The following ELK1 variants were observed in gnomAD, a reference collection of about 807,000 sequenced individuals.
The protein encoded by ELK1 is ETS transcription factor ELK1.
For synonymous variants in ELK1, 163 were observed against 176.3 expected, an observed-to-expected ratio of 0.92 and a Z score of 0.60; for missense variants, 254 against 381.5, an observed-to-expected ratio of 0.67 and a Z score of 2.78.
intron 2 of ELK1, among the ~76,000 whole-genome samples, chrX:47,645,050 C>T (rs894857152): frequency 4.5e-5 from 5 of 110,100 alleles, no homozygotes; most frequent in African/African-American, 1.3e-4. Flanking sequence ...ATAGCATGCC[C>T]GGGGGAGGTG....
Position 47,636,994 on chromosome X carries a change from C to G in ELK1, c.1188+19G>C. 1 of 1,206,181 alleles carries G rather than the reference C, an allele frequency of 8.3e-7. No individual in the cohort carries two copies. Among genetic ancestry groups the G allele is most frequent in the Non-Finnish European group, 1.1e-6 (1 of 892,576 alleles). ...CTTGGGTCTCTCACCCTGTCCAAAA[C>G]GGGGAAAGAGGATCCTACCTGGAAG... On this transcript the variant is annotated intron_variant, in intron 6 of 6. Transcript: ENST00000376983.
intron 6 of ELK1, 35 bp downstream of exon 6, chrX:47,636,978 C>T: frequency 1.7e-6 from 2 of 1,200,318 alleles, no homozygotes; most frequent in Non-Finnish European, 2.2e-6. Context: ...TCTTGGGTCT[C>T]TCACCCTGTC....
At position 47,650,418 on chromosome X, in the gene ELK1, C is replaced by T. The variant is rs2058058405; in HGVS notation, c.-141+5G>A. The T allele has an allele frequency of 2.9e-6, 1 of 350,162 alleles. No individual in the cohort carries two copies. Among genetic ancestry groups the T allele is most frequent in the Non-Finnish European group, 5.5e-6 (1 of 180,323 alleles). The allele number at this position is 350,162 out of a possible 1,213,427, so 28.9% of individuals were successfully genotyped here. A position where few individuals can be genotyped will look rare whatever the true frequency, so the allele number is the denominator to read the frequency against. ...GGCCCTCCACCCTCCAGGCCCAGAG[C>T]TCACCTGTGTGTAGCGTGGCGGTGG... On this transcript the variant is annotated splice_donor_5th_base_variant and intron_variant, in intron 1 of 6. Transcript: ENST00000376983.
chrX:47,638,758 G>A (rs1184754171), intron 4 of ELK1, 137 bp downstream of exon 4: 33 of 752,884 alleles, frequency 4.4e-5, no homozygotes, highest in Non-Finnish European at 6.3e-5. Flanking sequence ...CCTTCTAAGA[G>A]GATGTCTTCC....
intron 4 of ELK1, among the ~76,000 whole-genome samples, 159 bp from the exon 5 acceptor site, chrX:47,638,341 C>G (rs1471964342): frequency 2.7e-5 from 3 of 112,569 alleles, no homozygotes; most frequent in African/African-American, 9.7e-5. Context: ...AGGACTTCGT[C>G]AAGGAAGTAG....
intron 2 of ELK1, among the ~76,000 whole-genome samples, chrX:47,643,388 A>G (rs2058034195): frequency 8.9e-6 from 1 of 111,999 alleles, no homozygotes; most frequent in African/African-American, 3.2e-5. Context: ...TTAGTTTCTG[A>G]TTTGTTCATA....
At position 47,636,631 on chromosome X, in the gene ELK1, G is replaced by T. The variant is rs1181710899; in HGVS notation, c.*198C>A. The T allele has an allele frequency of 7.5e-6, 3 of 400,293 alleles. No homozygotes were observed. Among genetic ancestry groups the T allele is most frequent in the Non-Finnish European group, 1.3e-5 (3 of 236,665 alleles). 33.0% of individuals were successfully genotyped at this position (400,293 alleles called of 1,213,427 possible). A position where few individuals can be genotyped will look rare whatever the true frequency, so the allele number is the denominator to read the frequency against. Reference sequence around the variant, plus strand: ...CACTGGGGGACTGACAGAAAACAGAGAAGTTGTGGAAGCTGTGTGTTTTCT... The same window carrying T: ...CACTGGGGGACTGACAGAAAACAGATAAGTTGTGGAAGCTGTGTGTTTTCT... On this transcript the variant is annotated 3_prime_UTR_variant, in exon 7 of 7. Transcript: ENST00000376983.
rs765768273 is a variant in ELK1 at position 47,637,975 on chromosome X, C to T, written c.862G>A (p.Ala288Thr). 31 of 1,207,788 alleles carry T rather than the reference C, an allele frequency of 2.6e-5. No homozygotes were observed. In the South Asian group the frequency reaches 5.3e-4, roughly 21 times the overall value. The stretch of plus-strand genomic sequence containing the variant: ...TGCCCTGCGGTGTCCATAACAACCG[C>T]GGGCAGCCGGGCTGGCACGCCCTCC... ...PQEGVPARLPAVVMDTAGQAG... is the reference protein window; with the variant it reads ...PQEGVPARLPTVVMDTAGQAG... The change falls in exon 5 of 7, where the codon GCG becomes ACG. Residue 288 changes from alanine (A) to threonine (T), a missense_variant. Physicochemically the swap from Ala to Thr is moderately conservative, Grantham distance 58. Transcript: ENST00000376983.
Position 47,638,169 on chromosome X carries a change from G to A in ELK1, c.668C>T (p.Pro223Leu), listed in dbSNP as rs1434452310. ...CGATTTCAGGTTTGGGGCCTCGGGCGGGGTCAGGATGACCTGGTAGAGGAG... is the reference window on the plus strand; with the variant it reads ...CGATTTCAGGTTTGGGGCCTCGGGCAGGGTCAGGATGACCTGGTAGAGGAG... The part of the protein sequence containing the change: ...AGLPLQVILT[P>L]PEAPNLKSEE... The change falls in exon 5 of 7, where the codon CCG (proline) becomes CTG (leucine). Residue 223 changes from proline to leucine, a missense_variant. By Grantham distance (98) the Pro-to-Leu change is moderately conservative. Coordinates refer to ENST00000376983, the MANE Select transcript of ELK1 (RefSeq NM_001114123.3). The A allele has an allele frequency of 3.3e-6, 4 of 1,209,005 alleles. No individual in the cohort carries two copies. The East Asian group carries it at 1.2e-4, about 36-fold the overall frequency.
At position 47,637,842 on chromosome X, in the gene ELK1, C is replaced by A. The variant is rs1243372607; in HGVS notation, c.995G>T (p.Gly332Val). The A allele has an allele frequency of 8.4e-7, 1 of 1,196,448 alleles. No homozygotes were observed. The highest frequency in any genetic ancestry group is 1.8e-5 in the African/African-American group (1 of 57,110). Residue 332 changes from glycine (G) to valine (V), a missense_variant, in exon 5 of 7, where the codon GGA (glycine) becomes GTA (valine). Transcript: ENST00000376983. ...PLSPSLLGGP[G>V]PERTPGSGSG... Reference sequence around the variant, plus strand: ...TCCCGATCCTGGGGTCCGTTCGGGTCCCGGCCCACCTAGCAGGCTCGGGCT... The same window carrying A: ...TCCCGATCCTGGGGTCCGTTCGGGTACCGGCCCACCTAGCAGGCTCGGGCT...
intron 2 of ELK1, 88 bp downstream of exon 2, chrX:47,649,833 T>TGGGGGGGGGG (rs375216686): frequency 4.2e-5 from 1 of 24,034 alleles, no homozygotes; most frequent in Non-Finnish European, 7.1e-5. Flanking sequence ...GTGGTGGTGG[T>TGGGGGGGGGG]GGGGGGGGGG....
At chrX:47,648,673 T>C (rs952418525) in intron 2 of ELK1, among the ~76,000 whole-genome samples, 22 of 112,286 alleles carry the variant, frequency 2.0e-4, no homozygotes, top group African/African-American at 7.1e-4. Context: ...ACCAGTGTGG[T>C]TGGAGCACAG....
rs1293831884 is a variant in ELK1 at position 47,650,424 on chromosome X, T to C, written c.-142A>G. 2.8e-6 allele frequency: 1 copy of C among 354,921 alleles called. No homozygotes were observed. Among genetic ancestry groups the C allele is most frequent in the Non-Finnish European group, 5.5e-6 (1 of 182,517 alleles). 29.2% of individuals were successfully genotyped at this position (354,921 alleles called of 1,213,427 possible). A position where few individuals can be genotyped will look rare whatever the true frequency, so the allele number is the denominator to read the frequency against. On this transcript the variant is annotated splice_region_variant and 5_prime_UTR_variant, in exon 1 of 7. Coordinates refer to ENST00000376983, the MANE Select transcript of ELK1 (RefSeq NM_001114123.3). ...CCACCCTCCAGGCCCAGAGCTCACC[T>C]GTGTGTAGCGTGGCGGTGGCGTTGG...
At chrX:47,643,145 A>G (rs764518405) in intron 2 of ELK1, among the ~76,000 whole-genome samples, 1 of 108,143 alleles carries the variant, frequency 9.2e-6, no homozygotes, top group Non-Finnish European at 1.9e-5. Flanking sequence ...CTGTTCTTGA[A>G]CTCCTGGGCT....
At chrX:47,644,507 G>C (rs1481376938) in intron 2 of ELK1, among the ~76,000 whole-genome samples, 1 of 110,598 alleles carries the variant, frequency 9.0e-6, no homozygotes, top group African/African-American at 3.3e-5. Context: ...GTCAGATGGT[G>C]GTAAGGGTTA....
intron 5 of ELK1, 50 bp from the exon 6 acceptor site, chrX:47,637,164 G>A: frequency 2.7e-6 from 3 of 1,114,227 alleles, no homozygotes; most frequent in Non-Finnish European, 3.7e-6. Context: ...GTAGATGTGG[G>A]ATGCTGGAAG....
intron 2 of ELK1, among the ~76,000 whole-genome samples, chrX:47,646,095 A>G (rs1306827326): frequency 8.9e-6 from 1 of 111,732 alleles, no homozygotes; most frequent in African/African-American, 3.3e-5. Flanking sequence ...TACTTCTGTA[A>G]AAGACTTGAG....
rs747220403 is a variant in ELK1, at chrX:47,650,549, G to A, written c.-267C>T. 2.8e-5 allele frequency: 9 copies of A among 321,467 alleles called. No homozygotes were observed. Among genetic ancestry groups the A allele is most frequent in the Non-Finnish European group, 4.7e-5 (8 of 170,172 alleles). The allele number at this position is 321,467 out of a possible 1,213,427, so 26.5% of individuals were successfully genotyped here. The stretch of plus-strand genomic sequence containing the variant: ...CGGTGGAGGTGGTGGTGGCGGTGGC[G>A]GCGGCAGCACCTAGAAGCCGCCCCT... On this transcript the variant is annotated 5_prime_UTR_variant, in exon 1 of 7. Transcript: ENST00000376983.
intron 2 of ELK1, among the ~76,000 whole-genome samples, chrX:47,643,655 A>T (rs1304826573): frequency 9.0e-6 from 1 of 111,482 alleles, no homozygotes; most frequent in Non-Finnish European, 1.9e-5. Context: ...GGAAATTCTG[A>T]AACACATCTG....
Sources: gnomAD v4.1 joint callset for allele counts (sites outside exome capture counted in the v4.1 genomes callset) on GRCh38, gnomAD v4.1.1 for gene constraint, MANE v1.5 for transcripts, NCBI Gene and HGNC (gene_info 2026-07-23, HGNC 2026-07-21) for gene names.